Variants in GRM8 observed in about 807,000 individuals in gnomAD.
The protein encoded by GRM8 is glutamate metabotropic receptor 8.
In GRM8, 47 loss-of-function variants were observed where a neutral mutation model predicts 87.2. The observed-to-expected ratio is 0.54, with a 90% CI of 0.43 to 0.69. The LOEUF is 0.69. GRM8 is among the 30% of genes least tolerant of loss of function. The probability of loss-of-function intolerance (pLI) is 0.00; values close to 1 mark genes in which losing one functional copy is unlikely to be tolerated. For synonymous variants in GRM8, 396 were observed against 404.5 expected (o/e 0.98, Z 0.25); for missense variants, 1,019 against 1,139.2 (o/e 0.89, Z 1.52).
At position 126,665,956 on chromosome 7, in the gene GRM8, G is replaced by C. The variant is rs1425496131; in HGVS notation, c.1358-56458C>G. On this transcript the variant is annotated intron_variant, in intron 7 of 10. Transcript: ENST00000339582. Reference sequence around the variant, plus strand: ...TTGAAAGAGAGAAAGCAAACAGAAAGAGGAAACATGGGTTTTTAAAGACTA... The same window carrying C: ...TTGAAAGAGAGAAAGCAAACAGAAACAGGAAACATGGGTTTTTAAAGACTA... 2.0e-5 allele frequency among the ~76,000 whole-genome samples: 3 copies of C among 152,018 alleles called. No individual in the cohort carries two copies. In the South Asian group the frequency reaches 6.2e-4, roughly 32 times the overall value.
intron 6 of GRM8, among the ~76,000 whole-genome samples, chr7:126,892,085 A>G (rs1391751516): frequency 4.0e-5 from 6 of 149,190 alleles, no homozygotes; most frequent in Non-Finnish European, 7.4e-5. Flanking sequence ...CTTAAATTGT[A>G]TAAATAAATA....
chr7:126,554,818 C>A (rs536307714), intron 8 of GRM8, among the ~76,000 whole-genome samples: 1 of 151,982 alleles, frequency 6.6e-6, no homozygotes, highest in Non-Finnish European at 1.5e-5. Context: ...TTTTAGGGCA[C>A]TAAATTACAT....
chr7:126,741,330 C>T (rs999317436), intron 7 of GRM8, among the ~76,000 whole-genome samples: 1 of 152,006 alleles, frequency 6.6e-6, no homozygotes, highest in Admixed American at 6.6e-5. Flanking sequence ...CTGCAGAAAA[C>T]CACCACCACC....
intron 9 of GRM8, among the ~76,000 whole-genome samples, chr7:126,463,301 G>A (rs1047326458): frequency 5.3e-5 from 8 of 151,506 alleles, no homozygotes; most frequent in African/African-American, 9.7e-5. Flanking sequence ...TATACTCAGT[G>A]CATATACTTT....
chr7:126,982,824 T>C (rs1811670250), intron 3 of GRM8, among the ~76,000 whole-genome samples: 1 of 151,942 alleles, frequency 6.6e-6, no homozygotes, highest in East Asian at 1.9e-4. Flanking sequence ...CAGCAGGTCA[T>C]GGTTTTTTTC....
intron 6 of GRM8, among the ~76,000 whole-genome samples, chr7:126,849,376 G>A (rs894880299): frequency 2.0e-5 from 3 of 152,092 alleles, no homozygotes; most frequent in Admixed American, 1.3e-4. Context: ...GGAAAAAAGA[G>A]GAACTGAGAA....
chr7:127,116,177 G>A (rs1385474975), intron 2 of GRM8, among the ~76,000 whole-genome samples: 1 of 152,134 alleles, frequency 6.6e-6, no homozygotes, highest in Non-Finnish European at 1.5e-5. Context: ...CTAGTTTATA[G>A]CATCTCCTTA....
At chr7:127,193,427 AC>A (rs1425353718) in intron 2 of GRM8, among the ~76,000 whole-genome samples, 1 of 152,186 alleles carries the variant, frequency 6.6e-6, no homozygotes, top group Non-Finnish European at 1.5e-5. Flanking sequence ...TTGCTGGATG[AC>A]CCAATTAGGT....
chr7:126,443,376 T>G lies in GRM8; in HGVS notation c.2677+2750A>C, dbSNP rs918951224. ...CCAGCTTCGTATTACTTATATTTACTCTGTGTAGCTTTTGAAACTTTAAAA... is the reference window on the plus strand; with the variant it reads ...CCAGCTTCGTATTACTTATATTTACGCTGTGTAGCTTTTGAAACTTTAAAA... On this transcript the variant is annotated intron_variant, in intron 10 of 10. Transcript: ENST00000339582. 2.0e-5 allele frequency among the ~76,000 whole-genome samples: 3 copies of G among 152,044 alleles called. No individual in the cohort carries two copies. The East Asian group carries it at 5.8e-4, about 29-fold the overall frequency.
intron 6 of GRM8, among the ~76,000 whole-genome samples, chr7:126,811,483 T>C (rs1793288507): frequency 6.6e-6 from 1 of 152,060 alleles, no homozygotes; most frequent in Non-Finnish European, 1.5e-5. Context: ...CATTAATTCT[T>C]CTGAATCATG....
intron 7 of GRM8, among the ~76,000 whole-genome samples, chr7:126,768,957 C>T (rs1389738572): frequency 1.8e-5 from 2 of 110,770 alleles, no homozygotes; most frequent in East Asian, 4.1e-4. Flanking sequence ...AAGAAGTTTC[C>T]ACTTGAATTC....
rs895943287 is a variant in GRM8, at chr7:126,535,772, G to C, written c.1495-1885C>G. 3.3e-5 allele frequency among the ~76,000 whole-genome samples: 5 copies of C among 152,216 alleles called. No homozygotes were observed. In the East Asian group the frequency reaches 7.7e-4, roughly 24 times the overall value. On this transcript the variant is annotated intron_variant, in intron 8 of 10. Coordinates refer to ENST00000339582, the MANE Select transcript of GRM8 (RefSeq NM_000845.3). The stretch of plus-strand genomic sequence containing the variant: ...GTCCAAGTCCCACCTCCAGAGCCAA[G>C]TCCCTCCTACCTCATCATGAAAACT...
At position 126,801,009 on chromosome 7, in the gene GRM8, T is replaced by C. The variant is rs143857206; in HGVS notation, c.1157-30944A>G. On this transcript the variant is annotated intron_variant, in intron 6 of 10. Coordinates refer to ENST00000339582, the MANE Select transcript of GRM8 (RefSeq NM_000845.3). The stretch of plus-strand genomic sequence containing the variant: ...TAAAATAAATAAGAAAAATGAGAAA[T>C]ATTTGAAATAAATTTTTAAAATCTA... 2.8e-3 allele frequency among the ~76,000 whole-genome samples: 427 copies of C among 152,086 alleles called. 4 individuals are homozygous for C. Among genetic ancestry groups the C allele is most frequent in the African/African-American group, 9.3e-3 (387 of 41,518 alleles).
At chr7:126,996,043 C>T (rs1245559879) in intron 3 of GRM8, among the ~76,000 whole-genome samples, 1 of 152,038 alleles carries the variant, frequency 6.6e-6, no homozygotes, top group Non-Finnish European at 1.5e-5. Flanking sequence ...AAGAGAGTGG[C>T]ATGACATACT....
intron 6 of GRM8, among the ~76,000 whole-genome samples, chr7:126,855,074 G>C (rs1797553517): frequency 6.6e-6 from 1 of 152,122 alleles, no homozygotes; most frequent in Non-Finnish European, 1.5e-5. Flanking sequence ...GTTTGTCATA[G>C]ATGGCTTTTA....
intron 6 of GRM8, among the ~76,000 whole-genome samples, chr7:126,844,558 T>TCACTTGCTG (rs1796547975): frequency 6.6e-6 from 1 of 152,192 alleles, no homozygotes; most frequent in Admixed American, 6.5e-5. Context: ...AAGGGTTTAG[T>TCACTTGCTG]CACTTGCTGT....
chr7:126,449,099 T>C (rs1369346350), intron 9 of GRM8, among the ~76,000 whole-genome samples: 1 of 151,798 alleles, frequency 6.6e-6, no homozygotes, highest in African/African-American at 2.4e-5. Flanking sequence ...TGGCCTAGCA[T>C]TTGTTACAGG....
chr7:126,513,074 T>A (rs1017666645), intron 9 of GRM8, among the ~76,000 whole-genome samples: 2 of 152,168 alleles, frequency 1.3e-5, no homozygotes, highest in Non-Finnish European at 2.9e-5. Flanking sequence ...CTTTTCTGGA[T>A]ACCTGTATGT....
intron 9 of GRM8, among the ~76,000 whole-genome samples, chr7:126,528,012 T>A (rs887926235): frequency 6.6e-6 from 1 of 152,184 alleles, no homozygotes; most frequent in Non-Finnish European, 1.5e-5. Context: ...GAGACCATCC[T>A]GGCCAACATG....
Sources: allele counts gnomAD v4.1 joint callset (sites outside exome capture counted in the v4.1 genomes callset), GRCh38; gene constraint gnomAD v4.1.1; transcripts MANE v1.5; gene names NCBI Gene and HGNC (gene_info 2026-07-23, HGNC 2026-07-21).